Variants in ERC1 observed in about 807,000 individuals in gnomAD.
ERC1 encodes ELKS/RAB6-interacting/CAST family member 1, also known as RAB6 interacting protein 2.
In ERC1, 56 loss-of-function variants were observed where a neutral mutation model predicts 132.0. That is an observed-to-expected ratio of 0.42 (90% CI 0.34 to 0.53). The LOEUF is 0.53. Ranked by LOEUF, ERC1 falls within the 20% of genes least tolerant of loss-of-function variation. ERC1 has a pLI of 0.03. For missense variants in ERC1, 1,202 were observed against 1,349.9 expected (o/e 0.89, Z 1.72); for synonymous variants, 478 against 476.1 (o/e 1.00, Z -0.05).
intron 12 of ERC1, among the ~76,000 whole-genome samples, chr12:1,222,695 T>C (rs1241339239): frequency 1.3e-5 from 2 of 152,210 alleles, no homozygotes; most frequent in African/African-American, 2.4e-5. Flanking sequence ...TTTTTTTAAT[T>C]TGACAATAGA....
chr12:1,047,204 A>G (rs775722602), intron 2 of ERC1, among the ~76,000 whole-genome samples: 1 of 152,212 alleles, frequency 6.6e-6, no homozygotes, highest in African/African-American at 2.4e-5. Context: ...AAATTACACT[A>G]TTAACTTGGT....
chr12:1,272,687 T>C (rs1226081724), intron 14 of ERC1, among the ~76,000 whole-genome samples: 1 of 152,114 alleles, frequency 6.6e-6, no homozygotes, highest in Non-Finnish European at 1.5e-5. Context: ...CTGTGGCTTA[T>C]ACCTGTAATC....
intron 8 of ERC1, among the ~76,000 whole-genome samples, chr12:1,167,791 A>G (rs1022160416): frequency 6.8e-6 from 1 of 147,104 alleles, no homozygotes; most frequent in Non-Finnish European, 1.5e-5. Context: ...ATCTCAGCTC[A>G]CTGCAACCTC....
chr12:1,360,757 G>A (rs1366229427), intron 15 of ERC1, among the ~76,000 whole-genome samples: 2 of 152,110 alleles, frequency 1.3e-5, no homozygotes, highest in Admixed American at 6.6e-5. Context: ...TATAAAGGAA[G>A]CAGCTAGATA....
intron 3 of ERC1, among the ~76,000 whole-genome samples, chr12:1,091,954 A>C (rs558994594): frequency 6.6e-6 from 1 of 151,680 alleles, no homozygotes; most frequent in Admixed American, 6.6e-5. Context: ...TTCATTAGTT[A>C]TTGAATTATT....
At chr12:1,014,351 T>G (rs1265835851) in intron 1 of ERC1, among the ~76,000 whole-genome samples, 1 of 152,008 alleles carries the variant, frequency 6.6e-6, no homozygotes, top group African/African-American at 2.4e-5. Context: ...AATGTTGGTA[T>G]TTTTGGTAGA....
At chr12:1,226,745 C>T (rs1285865684) in intron 12 of ERC1, among the ~76,000 whole-genome samples, 3 of 152,172 alleles carry the variant, frequency 2.0e-5, no homozygotes, top group Admixed American at 6.5e-5. Flanking sequence ...GGCGTAGTCT[C>T]GGCTCACTGC....
chr12:1,446,712 C>T (rs891104048), intron 18 of ERC1, among the ~76,000 whole-genome samples: 7 of 152,270 alleles, frequency 4.6e-5, no homozygotes, highest in Non-Finnish European at 1.0e-4. Flanking sequence ...TGGATGTTGC[C>T]TAATAATACA....
At chr12:1,259,742 C>T (rs2077034531) in intron 13 of ERC1, among the ~76,000 whole-genome samples, 1 of 152,020 alleles carries the variant, frequency 6.6e-6, no homozygotes, top group Non-Finnish European at 1.5e-5. Context: ...TCAGGCTGGT[C>T]TCAAACTCCT....
chr12:1,345,941 G>T (rs1382479582), intron 15 of ERC1, among the ~76,000 whole-genome samples: 1 of 152,128 alleles, frequency 6.6e-6, no homozygotes, highest in Non-Finnish European at 1.5e-5. Context: ...AGCTAGTTAC[G>T]AAATTCTTAG....
intron 7 of ERC1, among the ~76,000 whole-genome samples, chr12:1,126,223 AC>A (rs1948143250): frequency 6.6e-6 from 1 of 152,212 alleles, no homozygotes; most frequent in African/African-American, 2.4e-5. Flanking sequence ...AGATGGGAGA[AC>A]CCTGCCCTGT....
intron 18 of ERC1, among the ~76,000 whole-genome samples, chr12:1,471,727 A>G (rs994432700): frequency 6.6e-6 from 1 of 152,208 alleles, no homozygotes; most frequent in Non-Finnish European, 1.5e-5. Context: ...CTAACCTTGC[A>G]AAGAATAATA....
At chr12:1,276,779 G>A (rs140583324) in intron 14 of ERC1, among the ~76,000 whole-genome samples, 11 of 152,196 alleles carry the variant, frequency 7.2e-5, no homozygotes, top group East Asian at 1.9e-4. Context: ...AATTATGAGC[G>A]AATAAATGAA....
At chr12:1,439,145 G>T (rs1235755164) in intron 17 of ERC1, among the ~76,000 whole-genome samples, 1 of 152,130 alleles carries the variant, frequency 6.6e-6, no homozygotes, top group East Asian at 1.9e-4. Flanking sequence ...GGGAAGAGAA[G>T]AGCCTACTGG....
chr12:1,303,345 C>G (rs1232213630), intron 15 of ERC1, among the ~76,000 whole-genome samples: 1 of 152,198 alleles, frequency 6.6e-6, no homozygotes, highest in Non-Finnish European at 1.5e-5. Context: ...AATCTTGATG[C>G]TGCTTTACCG....
intron 15 of ERC1, among the ~76,000 whole-genome samples, chr12:1,305,700 A>T (rs374631875): frequency 6.6e-6 from 1 of 152,116 alleles, no homozygotes; most frequent in East Asian, 1.9e-4. Flanking sequence ...CACAAGTACA[A>T]GTTCCAATTT....
chr12:1,276,087 CTT>C (rs2078240290), intron 14 of ERC1, among the ~76,000 whole-genome samples: 1 of 152,172 alleles, frequency 6.6e-6, no homozygotes, highest in Non-Finnish European at 1.5e-5. Context: ...GCTTACATGT[CTT>C]AAACTACATG....
intron 2 of ERC1, among the ~76,000 whole-genome samples, chr12:1,061,623 CAAG>C (rs1208798268): frequency 2.0e-5 from 3 of 152,046 alleles, no homozygotes; most frequent in Non-Finnish European, 4.4e-5. Flanking sequence ...GCAACAACAA[CAAG>C]AACAATCCCC....
chr12:1,246,126 C>T (rs942043691), intron 13 of ERC1, among the ~76,000 whole-genome samples: 3 of 151,954 alleles, frequency 2.0e-5, no homozygotes, highest in Admixed American at 6.6e-5. Context: ...GATCTTTTGA[C>T]CCAGCTATCC....
Sources: allele counts gnomAD v4.1 joint callset (sites outside exome capture counted in the v4.1 genomes callset), GRCh38; gene constraint gnomAD v4.1.1; transcripts MANE v1.5; gene names NCBI Gene and HGNC (gene_info 2026-07-23, HGNC 2026-07-21).